The following UNC45A variants were observed in gnomAD, a reference collection of about 807,000 sequenced individuals.
UNC45A encodes the protein unc-45 myosin chaperone A, also known as protein unc-45 homolog A.
UNC45A carries 78 observed loss-of-function variants against 103.2 expected under a neutral mutation model. The observed-to-expected ratio is 0.76, with a 90% CI of 0.63 to 0.91. The LOEUF is 0.91. Among genes scored for constraint, UNC45A ranks in the 40% least tolerant of loss-of-function variants. The pLI is 0.00. For missense variants in UNC45A, 1,193 were observed against 1,224.8 expected (o/e 0.97, Z 0.39); for synonymous variants, 495 against 504.6 (o/e 0.98, Z 0.25).
chr15:90,953,704 A>G lies in UNC45A; in HGVS notation c.2823A>G (p.Gln941=), dbSNP rs762276530. 3.7e-6 allele frequency: 6 copies of G among 1,613,804 alleles called. No individual in the cohort carries two copies. Among genetic ancestry groups the G allele is most frequent in the Middle Eastern group, 1.7e-4 (1 of 6,060 alleles). The change falls in exon 20 of 20, where the codon CAA becomes CAG. Residue 941 remains glutamine, a synonymous_variant. Transcript: ENST00000418476. The part of the protein sequence containing the change: ...AVEYGLIQPN[Q]DGE ...AATATGGGCTTATCCAACCCAACCA[A>G]GATGGAGAGTGAGGGGGTTGTCCCT...
intron 4 of UNC45A, among the ~76,000 whole-genome samples, chr15:90,937,440 T>C (rs1015226666): frequency 2.0e-5 from 3 of 152,166 alleles, no homozygotes; most frequent in African/African-American, 7.2e-5. Flanking sequence ...AACAATGCTA[T>C]ATTTTTTCTG....
chr15:90,948,875 CTT>C (rs5814443), intron 13 of UNC45A, 81 bp downstream of exon 13: 128,616 of 964,718 alleles, frequency 0.13, 2,312 homozygotes, highest in African/African-American at 0.32. Context: ...AACAACCTCC[CTT>C]TTTTTTTTTT....
chr15:90,948,878 T>C (rs2036730489), intron 13 of UNC45A, 84 bp downstream of exon 13: 6 of 737,888 alleles, frequency 8.1e-6, no homozygotes, highest in Non-Finnish European at 1.0e-5. Context: ...AACCTCCCTT[T>C]TTTTTTTTTT....
At chr15:90,950,299 C>A (rs2036828887) in intron 16 of UNC45A, 32 bp downstream of exon 16, 2 of 1,548,066 alleles carry the variant, frequency 1.3e-6, no homozygotes, top group East Asian at 4.9e-5. Context: ...CCTTTCCACT[C>A]CCTCTGTCCC....
chr15:90,949,518 G>A (rs1302980479), intron 14 of UNC45A, 75 bp downstream of exon 14: 24 of 1,601,862 alleles, frequency 1.5e-5, no homozygotes, highest in Non-Finnish European at 2.0e-5. Flanking sequence ...TCCAGAGGGT[G>A]CAGGTTCCAG....
chr15:90,934,439 A>T, upstream of UNC45A: 1 of 398,982 alleles, frequency 2.5e-6, no homozygotes, highest in Non-Finnish European at 4.4e-6. Flanking sequence ...CTCCAGAGGA[A>T]GCCTACTGCT....
intron 6 of UNC45A, 44 bp from the exon 7 acceptor site, chr15:90,942,393 T>G: frequency 6.4e-7 from 1 of 1,561,754 alleles, no homozygotes; most frequent in South Asian, 1.2e-5. Context: ...GTGGCTGCCC[T>G]TCAACAACTG....
intron 2 of UNC45A, 50 bp downstream of exon 2, chr15:90,935,755 C>A: frequency 6.6e-7 from 1 of 1,521,042 alleles, no homozygotes; most frequent in South Asian, 1.3e-5. Context: ...CCCGGTTCGC[C>A]CATCTAAGCT....
Position 90,946,885 on chromosome 15 carries a change from A to G in UNC45A, c.1471A>G (p.Lys491Glu). ...GAAGGACCTATATAAGTGCAGCGAG[A>G]AGGACAGCATCCGCATCCGGGCGCT... The part of the protein sequence containing the change: ...LLKDLYKCSE[K>E]DSIRIRALVG... Residue 491 changes from lysine to glutamate, a missense_variant, in exon 10 of 20, where the codon AAG (lysine) becomes GAG (glutamate). Transcript: ENST00000418476. 1.2e-6 allele frequency: 2 copies of G among 1,608,184 alleles called. No individual in the cohort carries two copies. The highest frequency in any genetic ancestry group is 1.7e-6 in the Non-Finnish European group (2 of 1,175,174).
rs140664787 is a variant in UNC45A, at chr15:90,936,295, G to C, written c.261G>C (p.Lys87Asn). 1.2e-6 allele frequency: 2 copies of C among 1,613,198 alleles called. No homozygotes were observed. Among genetic ancestry groups the C allele is most frequent in the South Asian group, 1.1e-5 (1 of 91,006 alleles). ...CCTGTTTGTGCTCAGCCATTGAAAA[G>C]GATGGTGGGGATGTCAAAGCACTCT... The part of the protein sequence containing the change: ...AETEASKAIE[K>N]DGGDVKALYR... Residue 87 changes from lysine (K) to asparagine (N), a missense_variant, in exon 4 of 20, where the codon AAG becomes AAC. Transcript: ENST00000418476.
chr15:90,945,887 G>A (rs1222480966), intron 9 of UNC45A, among the ~76,000 whole-genome samples: 4 of 141,666 alleles, frequency 2.8e-5, no homozygotes, highest in East Asian at 2.2e-4. Context: ...TGATCTGCCC[G>A]CCTTGGCCTC....
chr15:90,931,503 T>A, upstream of UNC45A: 1 of 1,614,210 alleles, frequency 6.2e-7, no homozygotes, highest in Non-Finnish European at 8.5e-7. Context: ...CATGAGTTCC[T>A]GATGGAATGA....
rs779016401 is a variant in UNC45A at position 90,943,074 on chromosome 15, T to C, written c.1019T>C (p.Ile340Thr). 3.7e-6 allele frequency: 6 copies of C among 1,610,928 alleles called. No individual in the cohort carries two copies. The highest frequency in any genetic ancestry group is 2.2e-5 in the South Asian group (2 of 90,746). ...AACAACAGCCTCACCCTCTGGGTCA[T>C]CGACCAAGGTAGGTGATATAGTTCA... ...DPNNSLTLWVIDQGLKKILEV... is the reference protein window; with the variant it reads ...DPNNSLTLWVTDQGLKKILEV... The change falls in exon 8 of 20, where the codon ATC (isoleucine) becomes ACC (threonine). Residue 340 changes from isoleucine (I) to threonine (T), a missense_variant. Coordinates refer to ENST00000418476, the MANE Select transcript of UNC45A (RefSeq NM_018671.5).
rs546736343 is a variant in UNC45A at position 90,937,597 on chromosome 15, C to T, written c.426+1137C>T. On this transcript the variant is annotated intron_variant, in intron 4 of 19. Coordinates refer to ENST00000418476, the MANE Select transcript of UNC45A (RefSeq NM_018671.5). ...TGCCTCCCAGGTTCAAGTGAGTCTC[C>T]TGCCTCAGTCCCCCAGGTAGCTGGG... 1.3e-4 allele frequency among the ~76,000 whole-genome samples: 19 copies of T among 151,778 alleles called. 1 individual carries two copies. The South Asian group carries it at 3.5e-3, about 28-fold the overall frequency.
chr15:90,934,662 A>G (rs1436138406), upstream of UNC45A: 1 of 398,088 alleles, frequency 2.5e-6, no homozygotes, highest in Non-Finnish European at 4.4e-6. Context: ...TAGTGAAGGG[A>G]CAGACCGCAA....
At chr15:90,931,578 A>G, upstream of UNC45A, 1 of 1,614,188 alleles carries the variant, frequency 6.2e-7, no homozygotes, top group Non-Finnish European at 8.5e-7. Context: ...AAGATCAAAG[A>G]GTGGTCCAGT....
At chr15:90,946,339 C>T (rs1255796140) in intron 9 of UNC45A, among the ~76,000 whole-genome samples, 1 of 151,804 alleles carries the variant, frequency 6.6e-6, no homozygotes, top group East Asian at 1.9e-4. Context: ...ATGAAATAAG[C>T]CGAATCATTT....
At chr15:90,948,931 C>T in intron 13 of UNC45A, 137 bp downstream of exon 13, 1 of 1,118,808 alleles carries the variant, frequency 8.9e-7, no homozygotes, top group Non-Finnish European at 1.2e-6. Context: ...GGCTGGAGTG[C>T]AGTGATGCGA....
At chr15:90,940,239 T>G (rs1282753670) in intron 5 of UNC45A, 67 bp from the exon 6 acceptor site, 1 of 1,529,818 alleles carries the variant, frequency 6.5e-7, no homozygotes, top group Non-Finnish European at 8.8e-7. Context: ...TCGGGGCCCC[T>G]GCTCACCAGT....
Sources: allele counts gnomAD v4.1 joint callset (sites outside exome capture counted in the v4.1 genomes callset), GRCh38; gene constraint gnomAD v4.1.1; transcripts MANE v1.5; gene names NCBI Gene and HGNC (gene_info 2026-07-23, HGNC 2026-07-21).